Variants in FUT8 observed in about 807,000 individuals in gnomAD.
The protein encoded by FUT8 is fucosyltransferase 8, also known as alpha-(1,6)-fucosyltransferase.
In FUT8, 29 loss-of-function variants were observed where a neutral mutation model predicts 71.3. The observed-to-expected ratio is 0.41, with a 90% CI of 0.30 to 0.55. The LOEUF (loss-of-function observed/expected upper bound fraction) is 0.55. Ranked by LOEUF, FUT8 falls within the 20% of genes least tolerant of loss-of-function variation. The probability of loss-of-function intolerance (pLI) is 0.34; values close to 1 mark genes in which losing one functional copy is unlikely to be tolerated. For synonymous variants in FUT8, 254 were observed against 239.3 expected, an observed-to-expected ratio of 1.06 and a Z score of -0.57; for missense variants, 544 against 702.1, an observed-to-expected ratio of 0.77 and a Z score of 2.55.
intron 2 of FUT8, among the ~76,000 whole-genome samples, chr14:65,481,139 A>G (rs1188417522): frequency 6.6e-6 from 1 of 152,006 alleles, no homozygotes; most frequent in Non-Finnish European, 1.5e-5. Flanking sequence ...TTTTATAATC[A>G]TCATCATCTT....
At chr14:65,379,649 G>A in the FUT8 span, among the ~76,000 whole-genome samples, 1 of 152,210 alleles carries the variant, frequency 6.6e-6, no homozygotes, top group Non-Finnish European at 1.5e-5. Flanking sequence ...TGCCGTTCTG[G>A]GTTCAAGAAA....
intron 1 of FUT8, among the ~76,000 whole-genome samples, chr14:65,418,218 T>C (rs1352004216): frequency 1.3e-5 from 2 of 152,146 alleles, no homozygotes; most frequent in Non-Finnish European, 2.9e-5. Context: ...AAAATGAAAA[T>C]GGGAGAGTCC....
chr14:65,480,216 A>T (rs566579821), intron 2 of FUT8, among the ~76,000 whole-genome samples: 89 of 151,626 alleles, frequency 5.9e-4, no homozygotes, highest in Admixed American at 1.7e-3. Context: ...TTTTTATCTG[A>T]ATCGGCCCTT....
intron 7 of FUT8, among the ~76,000 whole-genome samples, chr14:65,688,812 T>TA (rs1893432183): frequency 2.0e-5 from 3 of 152,206 alleles, no homozygotes; most frequent in Non-Finnish European, 4.4e-5. Context: ...GCTGTCTATC[T>TA]AGGCTGTTAT....
chr14:65,615,994 A>C lies in FUT8; in HGVS notation c.220A>C (p.Ile74Leu). The part of the protein sequence containing the change: ...AESLRIPEGP[I>L]DQGPAIGRVR... Reference sequence around the variant, plus strand: ...AAACTACAGGATACCAGAAGGCCCTATTGATCAGGGGCCAGCTATAGGAAG... The same window carrying C: ...AAACTACAGGATACCAGAAGGCCCTCTTGATCAGGGGCCAGCTATAGGAAG... Residue 74 changes from isoleucine (I) to leucine (L), a missense_variant, in exon 4 of 11, where the codon ATT (isoleucine) becomes CTT (leucine). Ile to Leu is a conservative substitution (Grantham distance 5). Transcript: ENST00000673929. 1 of 1,612,692 alleles carries C rather than the reference A, an allele frequency of 6.2e-7. No individual in the cohort carries two copies. Among genetic ancestry groups the C allele is most frequent in the African/African-American group, 1.3e-5 (1 of 75,010 alleles).
chr14:65,493,791 AT>A (rs1385196292), intron 2 of FUT8, among the ~76,000 whole-genome samples: 1 of 151,498 alleles, frequency 6.6e-6, no homozygotes, highest in Non-Finnish European at 1.5e-5. Flanking sequence ...TTTGGGAAAA[AT>A]TTTCTCCTTT....
intron 1 of FUT8, among the ~76,000 whole-genome samples, chr14:65,416,768 ATTTT>A (rs763100202): frequency 7.7e-6 from 1 of 129,248 alleles, no homozygotes; most frequent in Non-Finnish European, 1.7e-5. Context: ...ATTTTCTTTA[ATTTT>A]TTTTTTTTTT....
intron 7 of FUT8, among the ~76,000 whole-genome samples, chr14:65,689,649 C>A (rs1893476040): frequency 6.6e-6 from 1 of 152,210 alleles, no homozygotes; most frequent in Non-Finnish European, 1.5e-5. Context: ...AGCAATTCTT[C>A]TGCCTCAGCC....
intron 10 of FUT8, among the ~76,000 whole-genome samples, chr14:65,738,513 A>T (rs903041712): frequency 6.6e-6 from 1 of 152,036 alleles, no homozygotes; most frequent in African/African-American, 2.4e-5. Flanking sequence ...ACTAAAAATG[A>T]TACAGTGCCA....
intron 6 of FUT8, chr14:65,646,455 G>A (rs1251713049): frequency 6.6e-6 from 1 of 152,118 alleles, no homozygotes. Flanking sequence ...TTTAATACTA[G>A]AACAGCAGCT....
chr14:65,656,677 C>T (rs924952059), intron 6 of FUT8, among the ~76,000 whole-genome samples: 74 of 152,108 alleles, frequency 4.9e-4, no homozygotes, highest in African/African-American at 1.7e-3. Context: ...ATAGTCAAAG[C>T]TATCCTGAGC....
chr14:65,743,296 G>A lies in FUT8; in HGVS notation c.*886G>A, dbSNP rs1395095084. The A allele has an allele frequency of 6.6e-6, 1 of 151,746 alleles. No homozygotes were observed. Among genetic ancestry groups the A allele is most frequent in the East Asian group, 1.9e-4 (1 of 5,146 alleles). 9.4% of individuals were successfully genotyped at this position (151,746 alleles called of 1,614,324 possible). On this transcript the variant is annotated 3_prime_UTR_variant, in exon 11 of 11. Coordinates refer to ENST00000673929, the MANE Select transcript of FUT8 (RefSeq NM_001371533.1). ...GATATAGTAACTAATTCTTAACTCA[G>A]AGACATTGGTCCATTTTAATACTGA...
intron 2 of FUT8, among the ~76,000 whole-genome samples, chr14:65,487,053 A>G (rs1001919784): frequency 2.0e-5 from 3 of 152,130 alleles, no homozygotes; most frequent in Non-Finnish European, 2.9e-5. Flanking sequence ...GCACAGTTAG[A>G]CTCTATTAGC....
chr14:65,511,334 A>G (rs1180045666), intron 2 of FUT8, among the ~76,000 whole-genome samples: 1 of 152,108 alleles, frequency 6.6e-6, no homozygotes, highest in African/African-American at 2.4e-5. Flanking sequence ...GACCTAACAT[A>G]TGGTCTATCC....
At chr14:65,556,293 T>C (rs532505779) in intron 2 of FUT8, among the ~76,000 whole-genome samples, 1 of 152,326 alleles carries the variant, frequency 6.6e-6, no homozygotes, top group East Asian at 1.9e-4. Flanking sequence ...GGACCAAAGC[T>C]ACAGCTGTCT....
At chr14:65,415,816 A>T (rs2065212559) in intron 1 of FUT8, among the ~76,000 whole-genome samples, 1 of 152,146 alleles carries the variant, frequency 6.6e-6, no homozygotes, top group Non-Finnish European at 1.5e-5. Context: ...CTGATCTACC[A>T]AATTGAATGT....
the FUT8 span, among the ~76,000 whole-genome samples, chr14:65,401,138 C>T: frequency 3.9e-5 from 6 of 152,114 alleles, no homozygotes; most frequent in Non-Finnish European, 8.8e-5. Flanking sequence ...TTATTGGAAA[C>T]AACACACGGG....
intron 7 of FUT8, among the ~76,000 whole-genome samples, chr14:65,701,658 C>G (rs553663290): frequency 8.3e-4 from 127 of 152,224 alleles, no homozygotes; most frequent in Admixed American, 2.0e-3. Flanking sequence ...CCAGTATGAA[C>G]CCAAAATGAC....
At chr14:65,579,207 T>G (rs1177105956) in intron 3 of FUT8, among the ~76,000 whole-genome samples, 1 of 152,220 alleles carries the variant, frequency 6.6e-6, no homozygotes, top group Non-Finnish European at 1.5e-5. Context: ...ATTATGAAGT[T>G]GTATCTGATT....
Sources: allele counts gnomAD v4.1 joint callset (sites outside exome capture counted in the v4.1 genomes callset), GRCh38; gene constraint gnomAD v4.1.1; transcripts MANE v1.5; gene names NCBI Gene and HGNC (gene_info 2026-07-23, HGNC 2026-07-21).